Variants in ROBO2 observed in about 807,000 individuals in gnomAD.
The protein encoded by ROBO2 is roundabout homolog 2.
In ROBO2, 53 loss-of-function variants were observed where a neutral mutation model predicts 160.8. That is an observed-to-expected ratio of 0.33 (90% confidence interval 0.26 to 0.41). The LOEUF is 0.41. ROBO2 is among the 10% of genes least tolerant of loss of function. ROBO2 has a pLI of 1.00. For synonymous variants in ROBO2, 664 were observed against 611.7 expected, an observed-to-expected ratio of 1.09 and a Z score of -1.26; for missense variants, 1,577 against 1,722.4, an observed-to-expected ratio of 0.92 and a Z score of 1.49.
At chr3:76,199,767 C>G (rs561834498) in intron 2 of ROBO2, among the ~76,000 whole-genome samples, 1 of 152,112 alleles carries the variant, frequency 6.6e-6, no homozygotes, top group African/African-American at 2.4e-5. Flanking sequence ...GCCAAATATG[C>G]GTCTCAACTC....
intron 2 of ROBO2, among the ~76,000 whole-genome samples, chr3:76,878,241 C>A (rs2072975947): frequency 6.6e-6 from 1 of 152,098 alleles, no homozygotes; most frequent in Admixed American, 6.5e-5. Context: ...AATGTTTTAC[C>A]TCTGGCTGAT....
chr3:76,138,670 C>T (rs996115211), intron 2 of ROBO2, among the ~76,000 whole-genome samples: 1 of 152,002 alleles, frequency 6.6e-6, no homozygotes, highest in Non-Finnish European at 1.5e-5. Context: ...TTCAGGTATG[C>T]TATATAGTAT....
chr3:77,150,291 C>A (rs532242155), intron 2 of ROBO2, among the ~76,000 whole-genome samples: 11 of 152,224 alleles, frequency 7.2e-5, no homozygotes, highest in African/African-American at 2.6e-4. Flanking sequence ...CGAATGCATG[C>A]ATATTAGTCA....
intron 2 of ROBO2, among the ~76,000 whole-genome samples, chr3:77,441,275 T>C (rs2153553840): frequency 6.6e-6 from 1 of 151,718 alleles, no homozygotes; most frequent in South Asian, 2.1e-4. Context: ...CATTGGATGT[T>C]TCCAAAACAG....
intron 2 of ROBO2, among the ~76,000 whole-genome samples, chr3:77,164,265 T>G (rs944348963): frequency 1.3e-5 from 2 of 152,222 alleles, no homozygotes; most frequent in Non-Finnish European, 2.9e-5. Context: ...ACGTAGAAAA[T>G]GAGGTGTAAA....
chr3:76,065,250 T>G lies in ROBO2; in HGVS notation c.109+127648T>G, dbSNP rs918646519. On this transcript the variant is annotated intron_variant, in intron 2 of 26. Transcript: ENST00000487694. Reference sequence around the variant, plus strand: ...AAACAATCATTGTGGTTGCTTGTCCTACAATTATAGAATATGTTTATCTTT... The same window carrying G: ...AAACAATCATTGTGGTTGCTTGTCCGACAATTATAGAATATGTTTATCTTT... 4.6e-5 allele frequency among the ~76,000 whole-genome samples: 7 copies of G among 152,274 alleles called. No individual in the cohort carries two copies. In the South Asian group the frequency reaches 1.2e-3, roughly 27 times the overall value.
chr3:77,154,929 C>A (rs2077868453), intron 2 of ROBO2, among the ~76,000 whole-genome samples: 1 of 151,822 alleles, frequency 6.6e-6, no homozygotes, highest in Admixed American at 6.6e-5. Context: ...GACTCAGTAC[C>A]TGAGTGATGG....
intron 1 of ROBO2, among the ~76,000 whole-genome samples, chr3:77,043,156 T>C (rs1006992606): frequency 7.2e-5 from 11 of 152,178 alleles, no homozygotes; most frequent in Non-Finnish European, 1.5e-4. Flanking sequence ...AGTGTTCACA[T>C]ATATAGTGAA....
intron 2 of ROBO2, among the ~76,000 whole-genome samples, chr3:77,413,255 A>G (rs75600652): frequency 0.013 from 2,019 of 152,244 alleles, 46 homozygotes; most frequent in African/African-American, 0.044. Context: ...AGAAAAAAAA[A>G]GTATGTAGGA....
At chr3:76,536,842 C>T (rs1456848658) in intron 2 of ROBO2, among the ~76,000 whole-genome samples, 2 of 152,080 alleles carry the variant, frequency 1.3e-5, no homozygotes, top group African/African-American at 2.4e-5. Context: ...TGAGAAAGAG[C>T]CCAGATGCTG....
intron 2 of ROBO2, among the ~76,000 whole-genome samples, chr3:76,355,562 A>T (rs1477839462): frequency 6.6e-6 from 1 of 151,768 alleles, no homozygotes; most frequent in African/African-American, 2.4e-5. Context: ...ATTCTAACCT[A>T]TATATTCACT....
chr3:77,390,763 C>T (rs1334922915), intron 2 of ROBO2, among the ~76,000 whole-genome samples: 2 of 152,098 alleles, frequency 1.3e-5, no homozygotes, highest in Non-Finnish European at 1.5e-5. Flanking sequence ...ATTCAGTGAT[C>T]GAGATTATCC....
chr3:77,237,612 A>G (rs961022214), intron 2 of ROBO2, among the ~76,000 whole-genome samples: 1 of 152,150 alleles, frequency 6.6e-6, no homozygotes, highest in Non-Finnish European at 1.5e-5. Flanking sequence ...ATGTAACACA[A>G]GTCCATATAG....
chr3:76,366,910 A>T (rs1401656191), intron 2 of ROBO2, among the ~76,000 whole-genome samples: 1 of 152,044 alleles, frequency 6.6e-6, no homozygotes, highest in Non-Finnish European at 1.5e-5. Flanking sequence ...AGCAATAAAA[A>T]TTATAACCAA....
At chr3:75,954,692 T>A (rs1948666031) in intron 2 of ROBO2, among the ~76,000 whole-genome samples, 1 of 151,922 alleles carries the variant, frequency 6.6e-6, no homozygotes, top group Admixed American at 6.6e-5. Context: ...TGCTTTGAAT[T>A]TCATCATTTG....
At chr3:76,084,828 A>G (rs1227702327) in intron 2 of ROBO2, among the ~76,000 whole-genome samples, 1 of 152,154 alleles carries the variant, frequency 6.6e-6, no homozygotes, top group Non-Finnish European at 1.5e-5. Flanking sequence ...GATATTCTCT[A>G]TGGACTCATC....
rs557886520 is a variant in ROBO2, at chr3:76,047,487, T to G, written c.109+109885T>G. 3.3e-5 allele frequency among the ~76,000 whole-genome samples: 5 copies of G among 152,304 alleles called. No homozygotes were observed. In the South Asian group the frequency reaches 1.0e-3, roughly 32 times the overall value. ...TTAGTGATACAGAGATTGCCGTCAG[T>G]GGAGATTGACAGCACTGTGGAGGTG... On this transcript the variant is annotated intron_variant, in intron 2 of 26. Coordinates refer to the ROBO2 transcript ENST00000487694.
intron 2 of ROBO2, among the ~76,000 whole-genome samples, chr3:76,401,912 A>G (rs6764535): frequency 0.19 from 28,243 of 151,382 alleles, 3,109 homozygotes; most frequent in African/African-American, 0.3. Flanking sequence ...ATACAAAGAA[A>G]AATTTTTAGA....
chr3:76,999,974 A>G (rs1467389182), intron 2 of ROBO2, among the ~76,000 whole-genome samples: 2 of 152,136 alleles, frequency 1.3e-5, no homozygotes, highest in African/African-American at 2.4e-5. Flanking sequence ...GCAGGTGTTC[A>G]CCACATGCTT....
Sources: allele counts gnomAD v4.1 joint callset (sites outside exome capture counted in the v4.1 genomes callset), GRCh38; gene constraint gnomAD v4.1.1; transcripts MANE v1.5; gene names NCBI Gene and HGNC (gene_info 2026-07-23, HGNC 2026-07-21).